The following NXPE2 variants were observed in gnomAD, a reference collection of about 807,000 sequenced individuals.
NXPE2 encodes the protein neurexophilin and PC-esterase domain family member 2.
A neutral mutation model predicts 34.4 loss-of-function variants in NXPE2; 34 were observed. The observed-to-expected ratio is 0.99, with a 90% CI of 0.75 to 1.31. The LOEUF (loss-of-function observed/expected upper bound fraction) is 1.31. Ranked by LOEUF, NXPE2 falls within the 40% of genes most tolerant of loss-of-function variation. NXPE2 has a pLI of 0.00. For synonymous variants in NXPE2, 235 were observed against 231.3 expected, an observed-to-expected ratio of 1.02 and a Z score of -0.15; for missense variants, 649 against 672.5, an observed-to-expected ratio of 0.97 and a Z score of 0.39.
the NXPE2 span, among the ~76,000 whole-genome samples, chr11:114,619,230 G>T: frequency 6.6e-6 from 1 of 151,558 alleles, no homozygotes; most frequent in Admixed American, 6.6e-5. Flanking sequence ...ACTCTTACCC[G>T]GTAGAATATA....
the NXPE2 span, among the ~76,000 whole-genome samples, chr11:114,770,313 C>T: frequency 2.7e-4 from 41 of 152,320 alleles, no homozygotes; most frequent in Middle Eastern, 6.8e-3. Context: ...GGCCTTCCTA[C>T]CCCCTCCCCA....
At chr11:114,559,610 G>GT in the NXPE2 span, among the ~76,000 whole-genome samples, 370 of 146,230 alleles carry the variant, frequency 2.5e-3, 1 homozygote, top group South Asian at 7.9e-3. Context: ...CTCACTATCA[G>GT]TTTTTTTTTT....
At chr11:114,729,694 G>A in the NXPE2 span, among the ~76,000 whole-genome samples, 7 of 152,058 alleles carry the variant, frequency 4.6e-5, no homozygotes, top group African/African-American at 1.7e-4. Context: ...TTGGCCATGT[G>A]TATGTCTTCT....
the NXPE2 span, among the ~76,000 whole-genome samples, chr11:114,769,967 A>T: frequency 0.036 from 5,522 of 152,260 alleles, 344 homozygotes; most frequent in African/African-American, 0.13. Flanking sequence ...TAATTTTGAA[A>T]AGAAAGACAA....
chr11:114,704,169 T>A, intron 4 of NXPE2, 117 bp downstream of exon 4: 1 of 723,354 alleles, frequency 1.4e-6, no homozygotes, highest in Non-Finnish European at 2.3e-6. Context: ...TGGGACAAAT[T>A]ACATCAACCA....
the NXPE2 span, among the ~76,000 whole-genome samples, chr11:114,730,909 G>A: frequency 6.6e-6 from 1 of 152,098 alleles, no homozygotes; most frequent in Non-Finnish European, 1.5e-5. Context: ...GGTTGCTCTG[G>A]CTAGGACTTC....
chr11:114,530,377 T>G, the NXPE2 span: 1 of 1,614,076 alleles, frequency 6.2e-7, no homozygotes, highest in Non-Finnish European at 8.5e-7. Context: ...GAGGTGCCAT[T>G]AACAAATTTG....
the NXPE2 span, among the ~76,000 whole-genome samples, chr11:114,663,678 T>TTATCTACC: frequency 6.9e-6 from 1 of 145,940 alleles, no homozygotes; most frequent in Non-Finnish European, 1.5e-5. Flanking sequence ...ATCTATCTAT[T>TTATCTACC]TATCTATCTA....
the NXPE2 span, among the ~76,000 whole-genome samples, chr11:114,713,702 C>A: frequency 3.3e-5 from 5 of 152,178 alleles, no homozygotes; most frequent in Non-Finnish European, 7.4e-5. Flanking sequence ...TCTCTATTTT[C>A]TTCGATACTG....
At chr11:114,630,417 TG>T in the NXPE2 span, among the ~76,000 whole-genome samples, 2 of 151,782 alleles carry the variant, frequency 1.3e-5, no homozygotes, top group African/African-American at 4.9e-5. Context: ...AAACAAGCAA[TG>T]GGGAAAGTAT....
chr11:114,662,049 C>A, the NXPE2 span, among the ~76,000 whole-genome samples: 2 of 152,162 alleles, frequency 1.3e-5, no homozygotes, highest in African/African-American at 4.8e-5. Flanking sequence ...ACCAATTTAA[C>A]AACTATCGAC....
chr11:114,805,205 T>A, the NXPE2 span, among the ~76,000 whole-genome samples: 1,195 of 149,120 alleles, frequency 8.0e-3, 17 homozygotes, highest in African/African-American at 0.027. Context: ...TTTTTTTTTT[T>A]AAAAAAGGTA....
At chr11:114,623,708 C>T in the NXPE2 span, among the ~76,000 whole-genome samples, 6 of 151,958 alleles carry the variant, frequency 3.9e-5, no homozygotes, top group East Asian at 1.9e-4. Flanking sequence ...CAGTGTTACC[C>T]GATGGATAAT....
the NXPE2 span, chr11:114,551,161 A>C: frequency 6.5e-7 from 1 of 1,535,296 alleles, no homozygotes; most frequent in Non-Finnish European, 8.7e-7. Context: ...AAAAGAGATC[A>C]AGATCAGCAG....
the NXPE2 span, among the ~76,000 whole-genome samples, chr11:114,496,903 T>C: frequency 1.1e-4 from 16 of 152,374 alleles, no homozygotes; most frequent in African/African-American, 3.4e-4. Flanking sequence ...AAACCTGTGC[T>C]ACCAGTCATA....
At chr11:114,677,191 A>G (rs982663568), upstream of NXPE2, among the ~76,000 whole-genome samples, 3 of 152,056 alleles carry the variant, frequency 2.0e-5, no homozygotes, top group African/African-American at 7.2e-5. Flanking sequence ...TAAGTTCTAG[A>G]GATTTATTGT....
chr11:114,635,933 G>C, the NXPE2 span, among the ~76,000 whole-genome samples: 7 of 151,846 alleles, frequency 4.6e-5, no homozygotes, highest in Non-Finnish European at 8.8e-5. Context: ...TCTCTTTTTT[G>C]GTGGTTTCTC....
At chr11:114,491,926 G>A in the NXPE2 span, among the ~76,000 whole-genome samples, 5 of 152,026 alleles carry the variant, frequency 3.3e-5, no homozygotes, top group Non-Finnish European at 4.4e-5. Flanking sequence ...ACCAAACACC[G>A]CATATTCTCA....
the NXPE2 span, among the ~76,000 whole-genome samples, chr11:114,799,707 G>A: frequency 1.3e-5 from 2 of 152,222 alleles, no homozygotes; most frequent in Non-Finnish European, 2.9e-5. Flanking sequence ...CAACAAGGAA[G>A]TGTGAGGCAA....
Sources: allele counts gnomAD v4.1 joint callset (sites outside exome capture counted in the v4.1 genomes callset), GRCh38; gene constraint gnomAD v4.1.1; transcripts MANE v1.5; gene names NCBI Gene and HGNC (gene_info 2026-07-23, HGNC 2026-07-21).